Variants in FHIT observed in about 807,000 individuals in gnomAD.
The protein encoded by FHIT is bis(5'-adenosyl)-triphosphatase.
Under a neutral mutation model 17.9 loss-of-function variants are expected in FHIT, and 19 were observed. The ratio of observed to expected loss-of-function variants is 1.06; its 90% CI spans 0.74 to 1.56. The LOEUF is 1.56. Ranked by LOEUF, FHIT falls within the 40% of genes most tolerant of loss-of-function variation. The pLI is 0.00. For missense variants in FHIT, 248 were observed against 189.2 expected (o/e 1.31, Z -1.82); for synonymous variants, 81 against 69.7 (o/e 1.16, Z -0.81).
At chr3:59,865,097 T>A (rs967649885) in intron 8 of FHIT, among the ~76,000 whole-genome samples, 2 of 152,352 alleles carry the variant, frequency 1.3e-5, no homozygotes, top group African/African-American at 4.8e-5. Context: ...ATGTACTTCA[T>A]CTTAATTGTA....
chr3:60,293,285 A>C (rs1708067779), intron 5 of FHIT, among the ~76,000 whole-genome samples: 1 of 152,188 alleles, frequency 6.6e-6, no homozygotes, highest in African/African-American at 2.4e-5. Flanking sequence ...CTGTGCCCAT[A>C]GTAATAGATT....
chr3:60,123,042 C>A (rs1013505504), intron 5 of FHIT, among the ~76,000 whole-genome samples: 2 of 152,138 alleles, frequency 1.3e-5, no homozygotes, highest in African/African-American at 4.8e-5. Context: ...TACTGACTTC[C>A]TAGTTTTCTG....
intron 4 of FHIT, among the ~76,000 whole-genome samples, chr3:60,616,355 T>G (rs1196547780): frequency 6.6e-6 from 1 of 152,224 alleles, no homozygotes; most frequent in Non-Finnish European, 1.5e-5. Context: ...TGTCAACATA[T>G]TTCATCACAT....
intron 5 of FHIT, among the ~76,000 whole-genome samples, chr3:60,038,558 T>C (rs988439409): frequency 6.6e-6 from 1 of 152,230 alleles, no homozygotes; most frequent in African/African-American, 2.4e-5. Flanking sequence ...GATAGTTCAA[T>C]AGTTGTTTTC....
intron 3 of FHIT, among the ~76,000 whole-genome samples, chr3:61,019,892 T>C (rs574535254): frequency 5.6e-4 from 85 of 152,274 alleles, no homozygotes; most frequent in Non-Finnish European, 1.1e-3. Flanking sequence ...ATACTTTAAG[T>C]TCTGGGATAC....
At chr3:60,465,337 C>T (rs1263513072) in intron 5 of FHIT, among the ~76,000 whole-genome samples, 1 of 151,754 alleles carries the variant, frequency 6.6e-6, no homozygotes, top group East Asian at 1.9e-4. Flanking sequence ...CTTCAAATTG[C>T]TTTCAAATTT....
chr3:60,031,426 C>T (rs760381082), intron 5 of FHIT, among the ~76,000 whole-genome samples: 56 of 152,200 alleles, frequency 3.7e-4, no homozygotes, highest in Non-Finnish European at 6.9e-4. Flanking sequence ...GGTGAACCAA[C>T]TAGTAAATGG....
chr3:59,835,772 C>G (rs1012647648), intron 8 of FHIT, among the ~76,000 whole-genome samples: 2 of 152,120 alleles, frequency 1.3e-5, no homozygotes, highest in African/African-American at 4.8e-5. Context: ...ACTTGAAGAC[C>G]ACTAGCTCAT....
intron 4 of FHIT, among the ~76,000 whole-genome samples, chr3:60,670,861 A>G (rs2107841734): frequency 6.6e-6 from 1 of 152,342 alleles, no homozygotes; most frequent in Admixed American, 6.5e-5. Flanking sequence ...CGGGGTTCTG[A>G]AAATAAAACA....
intron 4 of FHIT, among the ~76,000 whole-genome samples, chr3:60,653,843 A>G (rs890159511): frequency 1.3e-5 from 2 of 152,170 alleles, no homozygotes; most frequent in Admixed American, 6.5e-5. Flanking sequence ...AAGCATGCAG[A>G]AAGTTTACCT....
At chr3:61,148,749 C>G (rs945968239) in intron 2 of FHIT, among the ~76,000 whole-genome samples, 3 of 152,104 alleles carry the variant, frequency 2.0e-5, no homozygotes, top group African/African-American at 7.2e-5. Flanking sequence ...CAGTTTTTAA[C>G]TTTAAGGCAA....
At chr3:59,921,877 C>T (rs1437355749) in intron 8 of FHIT, among the ~76,000 whole-genome samples, 1 of 152,188 alleles carries the variant, frequency 6.6e-6, no homozygotes, top group Non-Finnish European at 1.5e-5. Flanking sequence ...CTCAAACCAA[C>T]CTAGTTTTTG....
intron 2 of FHIT, among the ~76,000 whole-genome samples, chr3:61,120,536 G>A (rs2036426466): frequency 6.6e-6 from 1 of 152,122 alleles, no homozygotes; most frequent in Admixed American, 6.5e-5. Context: ...GTCTCAGCAA[G>A]CTAACCCTAC....
At chr3:60,423,746 G>A (rs1477230628) in intron 5 of FHIT, among the ~76,000 whole-genome samples, 1 of 152,110 alleles carries the variant, frequency 6.6e-6, no homozygotes, top group East Asian at 1.9e-4. Context: ...TAATGCAGCT[G>A]ACCATTAGCA....
intron 4 of FHIT, among the ~76,000 whole-genome samples, chr3:60,628,163 C>CA (rs1388647948): frequency 1.3e-5 from 2 of 152,118 alleles, no homozygotes; most frequent in African/African-American, 4.8e-5. Context: ...TCATCAATGA[C>CA]ATAAAATTGT....
chr3:60,241,767 A>G (rs1705141259), intron 5 of FHIT, among the ~76,000 whole-genome samples: 1 of 152,090 alleles, frequency 6.6e-6, no homozygotes, highest in Non-Finnish European at 1.5e-5. Context: ...AGTAGGAGTT[A>G]GTTTATCTTG....
At chr3:61,028,491 A>G (rs1262049954) in intron 3 of FHIT, among the ~76,000 whole-genome samples, 2 of 152,344 alleles carry the variant, frequency 1.3e-5, no homozygotes, top group African/African-American at 4.8e-5. Context: ...GCAAGGAGGC[A>G]GGTTCCAGGG....
chr3:59,990,450 T>A (rs3772498), intron 7 of FHIT, among the ~76,000 whole-genome samples: 1 of 151,994 alleles, frequency 6.6e-6, no homozygotes, highest in Admixed American at 6.6e-5. Context: ...TATATTGTTC[T>A]AAATTAAGCA....
At chr3:59,842,168 T>G (rs1456782037) in intron 8 of FHIT, among the ~76,000 whole-genome samples, 10 of 152,196 alleles carry the variant, frequency 6.6e-5, no homozygotes, top group Admixed American at 6.5e-4. Flanking sequence ...TATTTGTCTT[T>G]TAGTGACTGG....
Sources: gnomAD v4.1 joint callset for allele counts (sites outside exome capture counted in the v4.1 genomes callset) on GRCh38, gnomAD v4.1.1 for gene constraint, MANE v1.5 for transcripts, NCBI Gene and HGNC (gene_info 2026-07-23, HGNC 2026-07-21) for gene names.